Variants in RNF212B observed in about 807,000 individuals in gnomAD.
The protein encoded by RNF212B is E3 ubiquitin-protein ligase RNF212B.
RNF212B carries 52 observed loss-of-function variants against 55.5 expected under a neutral mutation model. That is an observed-to-expected ratio of 0.94 (90% confidence interval 0.75 to 1.18). The LOEUF (loss-of-function observed/expected upper bound fraction) is 1.18, where lower values mean the gene tolerates loss of function less well. Among genes scored for constraint, RNF212B ranks in the 50% most tolerant of loss-of-function variants. RNF212B has a pLI of 0.00. For synonymous variants in RNF212B, 99 were observed against 121.4 expected, an observed-to-expected ratio of 0.82 and a Z score of 1.21; for missense variants, 289 against 350.4, an observed-to-expected ratio of 0.82 and a Z score of 1.40.
chr14:23,223,614 C>G (rs1881758065), intron 2 of RNF212B, among the ~76,000 whole-genome samples: 1 of 152,184 alleles, frequency 6.6e-6, no homozygotes, highest in African/African-American at 2.4e-5. Flanking sequence ...CTCAGCCTCC[C>G]AAAGTGCTGG....
rs570516005 is a variant in RNF212B, at chr14:23,204,851, G to A, written c.-2+11450G>A. On this transcript the variant is annotated intron_variant, in intron 2 of 15. Coordinates refer to the RNF212B transcript ENST00000399910. ...CAATATTGATTCTACCCATCCATGA[G>A]CATGGGGTATATTTTCATTTGTTTC... 2.0e-4 allele frequency among the ~76,000 whole-genome samples: 30 copies of A among 152,226 alleles called. 1 individual carries two copies. In the South Asian group the frequency reaches 6.0e-3, roughly 30 times the overall value.
chr14:23,261,089 T>A (rs1032460943), intron 7 of RNF212B, among the ~76,000 whole-genome samples: 2 of 152,208 alleles, frequency 1.3e-5, no homozygotes, highest in African/African-American at 4.8e-5. Flanking sequence ...CGGTTTCCAT[T>A]GGCTGGAACC....
Position 23,219,556 on chromosome 14 carries a change from C to T in RNF212B, c.-1-20789C>T, listed in dbSNP as rs186597008. Among the ~76,000 whole-genome samples the T allele has an allele frequency of 8.5e-3, 1,296 of 151,788 alleles. 24 individuals carry two copies. The highest frequency in any genetic ancestry group is 0.03 in the African/African-American group (1,225 of 41,374). ...GCAAGATCTCGGCTCACTGCAACCT[C>T]TGCCACCTGGGTTCAAGTGATTCTT... is the stretch of plus-strand genomic sequence containing the variant. On this transcript the variant is annotated intron_variant, in intron 2 of 15. Coordinates refer to the RNF212B transcript ENST00000399910.
intron 2 of RNF212B, 102 bp from the exon 3 acceptor site, chr14:23,243,154 T>C: frequency 1.3e-6 from 1 of 791,874 alleles, no homozygotes; most frequent in Non-Finnish European, 2.1e-6. Flanking sequence ...ACCCTTTTTT[T>C]CTTCCTTTGC....
chr14:23,210,776 C>CAAAAAAAAAAAA lies in RNF212B; in HGVS notation c.-2+17383_-2+17394dup, dbSNP rs1160221876. Among the ~76,000 whole-genome samples the CAAAAAAAAAAAA allele has an allele frequency of 6.1e-4, 37 of 60,828 alleles. 1 individual carries two copies. The highest frequency in any genetic ancestry group is 1.9e-3 in the African/African-American group (25 of 13,156). The allele number at this position is 60,828 out of a possible 152,430, so 39.9% of individuals were successfully genotyped here. ...CAGGTGACAGTGTGAGACTCTGTCT[C>CAAAAAAAAAAAA]AAAAAAAAAAAAAAAAAAAGAAATG... On this transcript the variant is annotated intron_variant, in intron 2 of 15. Transcript: ENST00000399910.
intron 2 of RNF212B, among the ~76,000 whole-genome samples, chr14:23,241,119 G>A (rs985314711): frequency 6.6e-6 from 1 of 152,088 alleles, no homozygotes; most frequent in Non-Finnish European, 1.5e-5. Context: ...TTTGATCACG[G>A]AAGACTTCAC....
At chr14:23,188,457 A>AG (rs1293168396) in intron 1 of RNF212B, 1 of 113,256 alleles carries the variant, frequency 8.8e-6, no homozygotes, top group South Asian at 2.9e-4. Flanking sequence ...GACAAAGATT[A>AG]GGGTTTTTTT....
At chr14:23,269,174 C>T (rs1594954316) in intron 12 of RNF212B, among the ~76,000 whole-genome samples, 1 of 152,158 alleles carries the variant, frequency 6.6e-6, no homozygotes, top group African/African-American at 2.4e-5. Context: ...AGCGGTGTCA[C>T]GTGCCTGTAA....
chr14:23,264,108 AC>A (rs1252374815), intron 9 of RNF212B, 65 bp from the exon 10 acceptor site: 46 of 1,346,844 alleles, frequency 3.4e-5, no homozygotes, highest in Non-Finnish European at 4.4e-5. Flanking sequence ...AAACAAAAAA[AC>A]AACAACAATA....
rs61656270 is a variant in RNF212B at position 23,229,220 on chromosome 14, TTATATATATATATATATATATATA to T, written c.-1-11106_-1-11083del. Among the ~76,000 whole-genome samples, 38 of 65,046 alleles carry T rather than the reference TTATATATATATATATATATATATA, an allele frequency of 5.8e-4. 1 individual carries two copies. Among genetic ancestry groups the T allele is most frequent in the Middle Eastern group, 0.011 (1 of 92 alleles). The allele number at this position is 65,046 out of a possible 152,430, so 42.7% of individuals were successfully genotyped here. On this transcript the variant is annotated intron_variant, in intron 2 of 15. Coordinates refer to the RNF212B transcript ENST00000399910. Reference sequence around the variant, plus strand: ...ATTTCCTTTATGGCTGAATAATATTTTATATATATATATATATATATATATATATATATATATATATACCACATT... The same window carrying T: ...ATTTCCTTTATGGCTGAATAATATTTTATATATATATATATATACCACATT...
At chr14:23,215,414 A>C (rs1880968260) in intron 2 of RNF212B, among the ~76,000 whole-genome samples, 1 of 152,202 alleles carries the variant, frequency 6.6e-6, no homozygotes, top group Non-Finnish European at 1.5e-5. Flanking sequence ...CTTAGAAACC[A>C]TCAATTCTTA....
intron 4 of RNF212B, among the ~76,000 whole-genome samples, chr14:23,248,769 C>T (rs1884194204): frequency 6.6e-6 from 1 of 152,116 alleles, no homozygotes; most frequent in Non-Finnish European, 1.5e-5. Context: ...GGACACTAAT[C>T]CCATTCACAA....
At chr14:23,209,433 A>G (rs1880258570) in intron 2 of RNF212B, among the ~76,000 whole-genome samples, 1 of 152,116 alleles carries the variant, frequency 6.6e-6, no homozygotes, top group African/African-American at 2.4e-5. Context: ...TGGTTCACAC[A>G]CCTCTGACAG....
At chr14:23,254,189 G>A (rs1400272301) in intron 4 of RNF212B, among the ~76,000 whole-genome samples, 1 of 152,028 alleles carries the variant, frequency 6.6e-6, no homozygotes, top group East Asian at 1.9e-4. Context: ...GGAGGCTGAA[G>A]TGGGAGGATC....
At chr14:23,247,996 A>C (rs1001925894) in intron 4 of RNF212B, among the ~76,000 whole-genome samples, 8 of 152,186 alleles carry the variant, frequency 5.3e-5, no homozygotes, top group Admixed American at 5.2e-4. Flanking sequence ...GAAGTTCAAC[A>C]TCAAGGCACT....
intron 2 of RNF212B, among the ~76,000 whole-genome samples, chr14:23,199,917 A>T (rs1011009470): frequency 6.6e-6 from 1 of 152,154 alleles, no homozygotes; most frequent in Non-Finnish European, 1.5e-5. Flanking sequence ...ATGGGAAAAA[A>T]AGAAGGGAAA....
intron 8 of RNF212B, 50 bp downstream of exon 8, chr14:23,262,761 C>T (rs1478358013): frequency 1.3e-6 from 2 of 1,517,356 alleles, no homozygotes; most frequent in Non-Finnish European, 1.8e-6. Context: ...ATATCCTTTC[C>T]TTATGTAGAA....
At chr14:23,240,225 G>T (rs1015669822) in intron 1 of RNF212B, 120 bp from the exon 2 acceptor site, 12 of 646,222 alleles carry the variant, frequency 1.9e-5, no homozygotes, top group African/African-American at 1.8e-4. Context: ...TACCCACAAT[G>T]ATATGCCACA....
chr14:23,211,414 T>C (rs1192776458), intron 2 of RNF212B, among the ~76,000 whole-genome samples: 1 of 152,258 alleles, frequency 6.6e-6, no homozygotes, highest in Middle Eastern at 3.4e-3. Flanking sequence ...GCTTCACTGG[T>C]AAGTTCTACC....
Sources: gnomAD v4.1 joint callset for allele counts (sites outside exome capture counted in the v4.1 genomes callset) on GRCh38, gnomAD v4.1.1 for gene constraint, MANE v1.5 for transcripts, NCBI Gene and HGNC (gene_info 2026-07-23, HGNC 2026-07-21) for gene names.